The following SH3GL2 variants were observed in gnomAD, a reference collection of about 807,000 sequenced individuals.
SH3GL2 encodes SH3 domain containing GRB2 like 2, endophilin A1.
In SH3GL2, 24 loss-of-function variants were observed where a neutral mutation model predicts 46.0. That is an observed-to-expected ratio of 0.52 (90% CI 0.38 to 0.73). The LOEUF is 0.73. Ranked by LOEUF, SH3GL2 falls within the 30% of genes least tolerant of loss-of-function variation. The pLI, the probability that SH3GL2 is intolerant of heterozygous loss-of-function variation, is 0.00. For missense variants in SH3GL2, 413 were observed against 424.2 expected (o/e 0.97, Z 0.23); for synonymous variants, 196 against 147.1 (o/e 1.33, Z -2.40).
At chr9:17,768,785 C>T (rs10963262) in intron 3 of SH3GL2, among the ~76,000 whole-genome samples, 23,336 of 152,114 alleles carry the variant, frequency 0.15, 2,266 homozygotes, top group Middle Eastern at 0.26. Flanking sequence ...CTTCTGAGGG[C>T]CAAGTCGAAA....
At chr9:17,672,921 A>G (rs1426097366) in intron 1 of SH3GL2, among the ~76,000 whole-genome samples, 1 of 152,140 alleles carries the variant, frequency 6.6e-6, no homozygotes, top group East Asian at 1.9e-4. Flanking sequence ...CAAAATGTCT[A>G]AAGTGAATTA....
chr9:17,706,139 GTCAT>G (rs1821468475), intron 1 of SH3GL2, among the ~76,000 whole-genome samples: 1 of 151,946 alleles, frequency 6.6e-6, no homozygotes, highest in Non-Finnish European at 1.5e-5. Context: ...TTAGATTTGA[GTCAT>G]TTGAGAGTTT....
At chr9:17,675,576 A>G (rs1261189943) in intron 1 of SH3GL2, among the ~76,000 whole-genome samples, 1 of 152,200 alleles carries the variant, frequency 6.6e-6, no homozygotes, top group Non-Finnish European at 1.5e-5. Context: ...GGGAGGGGAG[A>G]GTAAAAAAGG....
chr9:17,795,681 C>T lies in SH3GL2; in HGVS notation c.997C>T (p.His333Tyr), dbSNP rs918471387. 1 of 1,613,912 alleles carries T rather than the reference C, an allele frequency of 6.2e-7. No individual in the cohort carries two copies. The highest frequency in any genetic ancestry group is 1.3e-5 in the African/African-American group (1 of 74,934). Reference sequence around the variant, plus strand: ...TGAGAACTGGTATGAGGGGATGCTGCATGGCCATTCAGGCTTCTTCCCCAT... The same window carrying T: ...TGAGAACTGGTATGAGGGGATGCTGTATGGCCATTCAGGCTTCTTCCCCAT... ...IDENWYEGML[H>Y]GHSGFFPINY... Residue 333 changes from histidine (H) to tyrosine (Y), a missense_variant, in exon 9 of 9, where the codon CAT becomes TAT. By Grantham distance (83) the His-to-Tyr change is moderately conservative. Transcript: ENST00000380607.
At chr9:17,759,041 C>T (rs1030071921) in intron 2 of SH3GL2, among the ~76,000 whole-genome samples, 6 of 152,248 alleles carry the variant, frequency 3.9e-5, no homozygotes, top group African/African-American at 1.4e-4. Context: ...GTTTACACTA[C>T]ATGAGTGGTT....
intron 2 of SH3GL2, among the ~76,000 whole-genome samples, chr9:17,756,643 A>G (rs979211205): frequency 6.6e-6 from 1 of 151,912 alleles, no homozygotes; most frequent in African/African-American, 2.4e-5. Context: ...CGTCCCTACA[A>G]AGGACATGAA....
chr9:17,677,911 GAAT>G (rs1456012907), intron 1 of SH3GL2, among the ~76,000 whole-genome samples: 2 of 152,158 alleles, frequency 1.3e-5, no homozygotes, highest in East Asian at 3.9e-4. Context: ...AGTTTGCTGA[GAAT>G]GATGGTTTCC....
intron 1 of SH3GL2, among the ~76,000 whole-genome samples, chr9:17,715,556 G>A (rs568303684): frequency 6.6e-6 from 1 of 151,406 alleles, no homozygotes; most frequent in South Asian, 2.1e-4. Context: ...TTATTGCTAG[G>A]CTTTAAATTT....
intron 2 of SH3GL2, 49 bp from the exon 3 acceptor site, chr9:17,761,388 C>G: frequency 8.3e-7 from 1 of 1,208,966 alleles, no homozygotes; most frequent in Non-Finnish European, 1.2e-6. Context: ...AACCGGTATT[C>G]TAAAGCTCAT....
intron 1 of SH3GL2, among the ~76,000 whole-genome samples, chr9:17,737,276 A>G (rs1401607760): frequency 6.6e-6 from 1 of 152,094 alleles, no homozygotes; most frequent in Non-Finnish European, 1.5e-5. Context: ...GGGTGCAGCA[A>G]ACCACCATGG....
intron 1 of SH3GL2, among the ~76,000 whole-genome samples, chr9:17,709,258 C>G (rs1048422849): frequency 6.6e-6 from 1 of 151,978 alleles, no homozygotes; most frequent in African/African-American, 2.4e-5. Flanking sequence ...ATAAGTCAGT[C>G]CTTTACAATA....
chr9:17,704,488 C>G (rs1335494687), intron 1 of SH3GL2, among the ~76,000 whole-genome samples: 1 of 151,844 alleles, frequency 6.6e-6, no homozygotes, highest in East Asian at 1.9e-4. Flanking sequence ...CAAGGCTAAG[C>G]TAAAAAGACA....
chr9:17,763,349 C>T (rs957326104), intron 3 of SH3GL2, among the ~76,000 whole-genome samples: 2 of 152,084 alleles, frequency 1.3e-5, no homozygotes, highest in Admixed American at 6.5e-5. Flanking sequence ...GGAAATAATC[C>T]TTGCAGATGT....
intron 1 of SH3GL2, among the ~76,000 whole-genome samples, chr9:17,740,643 A>G (rs1822500603): frequency 6.6e-6 from 1 of 152,172 alleles, no homozygotes; most frequent in Non-Finnish European, 1.5e-5. Flanking sequence ...TCGTCTTTCT[A>G]AAGAGCTTGT....
At chr9:17,769,646 G>A (rs1168836101) in intron 3 of SH3GL2, among the ~76,000 whole-genome samples, 1 of 151,832 alleles carries the variant, frequency 6.6e-6, no homozygotes, top group Admixed American at 6.6e-5. Context: ...GTCCTTTCCT[G>A]CCCCGACCCC....
At chr9:17,768,045 C>T (rs773461790) in intron 3 of SH3GL2, among the ~76,000 whole-genome samples, 1 of 152,092 alleles carries the variant, frequency 6.6e-6, no homozygotes, top group Non-Finnish European at 1.5e-5. Flanking sequence ...TGTGTCTAAA[C>T]AATGAATGCT....
intron 1 of SH3GL2, among the ~76,000 whole-genome samples, chr9:17,697,227 C>CT (rs201644889): frequency 0.12 from 16,621 of 144,242 alleles, 1,003 homozygotes; most frequent in East Asian, 0.23. Flanking sequence ...AAATGCATTT[C>CT]TTTTTTTTTT....
intron 1 of SH3GL2, among the ~76,000 whole-genome samples, chr9:17,648,607 T>C (rs1474505687): frequency 6.6e-6 from 1 of 152,182 alleles, no homozygotes; most frequent in Non-Finnish European, 1.5e-5. Context: ...ATTATTATTA[T>C]AATAAATTTA....
At chr9:17,664,762 T>G (rs1207693670) in intron 1 of SH3GL2, among the ~76,000 whole-genome samples, 16 of 151,760 alleles carry the variant, frequency 1.1e-4, no homozygotes, top group Non-Finnish European at 2.9e-5. Flanking sequence ...CTGGGGATAT[T>G]TTTCAGCCAC....
Sources: gnomAD v4.1 joint callset for allele counts (sites outside exome capture counted in the v4.1 genomes callset) on GRCh38, gnomAD v4.1.1 for gene constraint, MANE v1.5 for transcripts, NCBI Gene and HGNC (gene_info 2026-07-23, HGNC 2026-07-21) for gene names.